The following PIK3C3 variants were observed in gnomAD, a reference collection of about 807,000 sequenced individuals.
PIK3C3 encodes PI3-kinase type 3.
PIK3C3 carries 95 observed loss-of-function variants against 126.1 expected under a neutral mutation model. The ratio of observed to expected loss-of-function variants is 0.75; its 90% CI spans 0.64 to 0.89. The LOEUF (loss-of-function observed/expected upper bound fraction) is 0.89, where lower values mean the gene tolerates loss of function less well. PIK3C3 is among the 40% of genes least tolerant of loss of function. The probability of loss-of-function intolerance (pLI) is 0.00; values close to 1 mark genes in which losing one functional copy is unlikely to be tolerated. For missense variants in PIK3C3, 829 were observed against 1,063.2 expected, an observed-to-expected ratio of 0.78 and a Z score of 3.06; for synonymous variants, 374 against 360.0, an observed-to-expected ratio of 1.04 and a Z score of -0.44.
intron 24 of PIK3C3, among the ~76,000 whole-genome samples, chr18:42,079,547 G>A (rs1009499244): frequency 4.0e-5 from 6 of 150,796 alleles, no homozygotes; most frequent in Admixed American, 1.3e-4. Flanking sequence ...ATAGACTTGC[G>A]CAAGCAGAGT....
At chr18:42,011,943 C>T (rs1650308618) in intron 10 of PIK3C3, among the ~76,000 whole-genome samples, 2 of 152,114 alleles carry the variant, frequency 1.3e-5, no homozygotes, top group South Asian at 2.1e-4. Flanking sequence ...ACACATTCAA[C>T]ATTAATTGAT....
chr18:42,056,653 T>C lies in PIK3C3; in HGVS notation c.2264-1230T>C, dbSNP rs191984776. Among the ~76,000 whole-genome samples the C allele has an allele frequency of 1.1e-4, 16 of 152,276 alleles. No individual in the cohort carries two copies. In the East Asian group the frequency reaches 2.9e-3, roughly 27 times the overall value. On this transcript the variant is annotated intron_variant, in intron 21 of 24. Transcript: ENST00000262039. ...TGTGTATCCAACAAGGTAAAAGATA[T>C]ATGAGAACTTCAAAATGAGAATAAA...
Position 41,993,205 on chromosome 18 carries a change from C to T in PIK3C3, c.715-65C>T, listed in dbSNP as rs2144358714. 22 of 890,382 alleles carry T rather than the reference C, an allele frequency of 2.5e-5. No homozygotes were observed. In the South Asian group the frequency reaches 3.1e-4, roughly 12 times the overall value. 55.2% of individuals were successfully genotyped at this position (890,382 alleles called of 1,614,324 possible). ...TAGAATTAAAATACATTGATGTGTA[C>T]ATCATATACTGCTTCCTATTGTATT... On this transcript the variant is annotated intron_variant, in intron 6 of 24. Coordinates refer to ENST00000262039, the MANE Select transcript of PIK3C3 (RefSeq NM_002647.4).
chr18:42,008,277 G>T (rs7242019), intron 10 of PIK3C3, among the ~76,000 whole-genome samples: 1 of 151,998 alleles, frequency 6.6e-6, no homozygotes, highest in Admixed American at 6.6e-5. Flanking sequence ...TCCCATATTA[G>T]AATTTAATGA....
intron 4 of PIK3C3, among the ~76,000 whole-genome samples, chr18:41,975,384 T>C (rs1370550103): frequency 6.6e-6 from 1 of 152,212 alleles, no homozygotes; most frequent in Non-Finnish European, 1.5e-5. Context: ...TCACTTTAAC[T>C]ACATTTCAAA....
intron 12 of PIK3C3, among the ~76,000 whole-genome samples, chr18:42,015,970 A>G (rs1983056297): frequency 6.6e-6 from 1 of 152,184 alleles, no homozygotes; most frequent in Non-Finnish European, 1.5e-5. Flanking sequence ...TATACATATA[A>G]GTAGACACAT....
intron 4 of PIK3C3, among the ~76,000 whole-genome samples, chr18:41,982,508 A>G (rs1981257382): frequency 1.3e-5 from 2 of 152,200 alleles, no homozygotes; most frequent in Non-Finnish European, 2.9e-5. Context: ...TGCTTTATTT[A>G]GCATTATCTT....
chr18:42,078,622 C>G (rs1598965055), intron 24 of PIK3C3, among the ~76,000 whole-genome samples: 1 of 148,630 alleles, frequency 6.7e-6, no homozygotes, highest in South Asian at 2.1e-4. Context: ...ACATTGACTT[C>G]CCTGTAGCGT....
chr18:42,017,988 T>TAC (rs766187167), intron 12 of PIK3C3, among the ~76,000 whole-genome samples: 30 of 151,558 alleles, frequency 2.0e-4, no homozygotes, highest in South Asian at 1.0e-3. Flanking sequence ...TACTTTCTTA[T>TAC]ATATATATAA....
At chr18:42,027,649 A>T (rs768658692) in intron 14 of PIK3C3, 101 bp downstream of exon 14, 12 of 482,678 alleles carry the variant, frequency 2.5e-5, no homozygotes, top group Non-Finnish European at 4.4e-5. Flanking sequence ...GGTTTTATAT[A>T]TTTATTTTTA....
chr18:41,960,685 A>T (rs1009410708), intron 2 of PIK3C3, among the ~76,000 whole-genome samples: 1 of 152,138 alleles, frequency 6.6e-6, no homozygotes, highest in African/African-American at 2.4e-5. Context: ...AGATTTTTCT[A>T]TAACTTCTAG....
intron 13 of PIK3C3, among the ~76,000 whole-genome samples, chr18:42,024,134 G>A (rs1983447218): frequency 6.6e-6 from 1 of 152,162 alleles, no homozygotes; most frequent in Non-Finnish European, 1.5e-5. Flanking sequence ...ACCTTTCAAG[G>A]TAATAAAGGT....
chr18:41,959,120 C>G (rs1011499716), intron 2 of PIK3C3, among the ~76,000 whole-genome samples: 1 of 152,028 alleles, frequency 6.6e-6, no homozygotes, highest in South Asian at 2.1e-4. Flanking sequence ...GGACAGAGCT[C>G]AAAGCTTTAA....
intron 10 of PIK3C3, among the ~76,000 whole-genome samples, chr18:42,006,427 GC>G (rs34343393): frequency 0.5 from 75,977 of 151,384 alleles, 21,151 homozygotes; most frequent in African/African-American, 0.75. Flanking sequence ...TTGGCTGCTG[GC>G]CGATTAAGTC....
chr18:42,010,039 G>A (rs1437906557), intron 10 of PIK3C3, among the ~76,000 whole-genome samples: 1 of 152,146 alleles, frequency 6.6e-6, no homozygotes, highest in Non-Finnish European at 1.5e-5. Flanking sequence ...AGCATGCAAT[G>A]CTGCTTGTTA....
At position 42,027,479 on chromosome 18, in the gene PIK3C3, G is replaced by A. The variant is rs1054085271; in HGVS notation, c.1521G>A (p.Gln507=). The change falls in exon 14 of 25, where the codon CAG becomes CAA. Residue 507 remains glutamine, a synonymous_variant. Transcript: ENST00000262039. ...VIVECEDQDT[Q]QRDPKTHEMY... is the part of the protein sequence containing the mutation. Reference sequence around the variant, plus strand: ...TGGAATGTGAAGATCAAGATACTCAGCAGAGAGATCCAAAGACCCATGAGA... The same window carrying A: ...TGGAATGTGAAGATCAAGATACTCAACAGAGAGATCCAAAGACCCATGAGA... The A allele has an allele frequency of 1.2e-5, 19 of 1,610,164 alleles. No homozygotes were observed. The highest frequency in any genetic ancestry group is 1.6e-5 in the Non-Finnish European group (19 of 1,177,006).
At chr18:41,969,420 CAT>C (rs1980542348) in intron 3 of PIK3C3, among the ~76,000 whole-genome samples, 1 of 152,152 alleles carries the variant, frequency 6.6e-6, no homozygotes, top group South Asian at 2.1e-4. Context: ...AATTAAAACA[CAT>C]AGTTATCTAA....
intron 12 of PIK3C3, among the ~76,000 whole-genome samples, chr18:42,018,244 A>G (rs1012543262): frequency 6.6e-6 from 1 of 152,028 alleles, no homozygotes; most frequent in Non-Finnish European, 1.5e-5. Flanking sequence ...ACCTTAAAGT[A>G]TTGCTTACAC....
chr18:42,063,188 T>TC (rs1362232465), intron 22 of PIK3C3, among the ~76,000 whole-genome samples: 6 of 152,214 alleles, frequency 3.9e-5, no homozygotes, highest in Non-Finnish European at 7.3e-5. Flanking sequence ...GTTGTTTTTT[T>TC]CTCTTTTAAA....
Sources: allele counts gnomAD v4.1 joint callset (sites outside exome capture counted in the v4.1 genomes callset), GRCh38; gene constraint gnomAD v4.1.1; transcripts MANE v1.5; gene names NCBI Gene and HGNC (gene_info 2026-07-23, HGNC 2026-07-21).